Variants in PDE1C observed in about 807,000 individuals in gnomAD.
The protein encoded by PDE1C is phosphodiesterase 1C, also known as dual specificity calcium/calmodulin-dependent 3',5'-cyclic nucleotide phosphodiesterase 1C.
Under a neutral mutation model 93.1 loss-of-function variants are expected in PDE1C, and 62 were observed. The observed-to-expected ratio is 0.67, with a 90% confidence interval of 0.54 to 0.82. The LOEUF (loss-of-function observed/expected upper bound fraction) is 0.82, where lower values mean the gene tolerates loss of function less well. PDE1C is among the 40% of genes least tolerant of loss of function. PDE1C has a pLI of 0.00. For missense variants in PDE1C, 742 were observed against 884.6 expected (o/e 0.84, Z 2.04); for synonymous variants, 325 against 310.1 (o/e 1.05, Z -0.50).
chr7:32,330,069 T>C (rs2128076642), intron 1 of PDE1C, among the ~76,000 whole-genome samples: 1 of 152,332 alleles, frequency 6.6e-6, no homozygotes, highest in East Asian at 1.9e-4. Context: ...TCAGAACACA[T>C]ATCTTTGGCC....
intron 4 of PDE1C, among the ~76,000 whole-genome samples, chr7:31,878,746 C>T (rs960303658): frequency 6.6e-6 from 1 of 152,144 alleles, no homozygotes; most frequent in Non-Finnish European, 1.5e-5. Context: ...AAATTAGAGA[C>T]TGAACTCAAA....
chr7:31,875,725 C>T (rs1464888885), intron 5 of PDE1C, among the ~76,000 whole-genome samples: 1 of 144,336 alleles, frequency 6.9e-6, no homozygotes, highest in Non-Finnish European at 1.5e-5. Context: ...GAAGAGCACA[C>T]AGCTACATTT....
At chr7:32,207,184 C>T (rs1315527288) in intron 2 of PDE1C, among the ~76,000 whole-genome samples, 1 of 152,102 alleles carries the variant, frequency 6.6e-6, no homozygotes, top group African/African-American at 2.4e-5. Context: ...AGTCCCCACT[C>T]CCAGATCTCT....
chr7:32,284,010 A>G (rs570733685), intron 1 of PDE1C, among the ~76,000 whole-genome samples: 84 of 152,294 alleles, frequency 5.5e-4, no homozygotes, highest in African/African-American at 1.9e-3. Flanking sequence ...TCCCGAGGAC[A>G]TTTATTAACA....
intron 1 of PDE1C, among the ~76,000 whole-genome samples, chr7:32,362,092 TC>T (rs1784147430): frequency 6.6e-6 from 1 of 151,718 alleles, no homozygotes. Context: ...AGGAGGGCGC[TC>T]CCCCAGGGCG....
intron 16 of PDE1C, chr7:31,786,226 T>A (rs1199612154): frequency 6.6e-6 from 1 of 152,098 alleles, no homozygotes; most frequent in African/African-American, 2.4e-5. Flanking sequence ...TTTATATAGA[T>A]TGGTGTCATC....
chr7:31,796,052 C>T (rs529643566), intron 16 of PDE1C, among the ~76,000 whole-genome samples: 1 of 151,048 alleles, frequency 6.6e-6, no homozygotes, highest in East Asian at 2.0e-4. Context: ...TTCTCTCCTC[C>T]ACTTATTGAC....
chr7:32,135,019 G>A (rs1226013981), intron 3 of PDE1C, among the ~76,000 whole-genome samples: 1 of 152,110 alleles, frequency 6.6e-6, no homozygotes, highest in Admixed American at 6.6e-5. Context: ...GACAGCATGG[G>A]AATTGGTAGA....
At chr7:32,383,679 G>A (rs924451039) in intron 1 of PDE1C, among the ~76,000 whole-genome samples, 3 of 152,040 alleles carry the variant, frequency 2.0e-5, no homozygotes, top group East Asian at 1.9e-4. Flanking sequence ...ATGGATGGAT[G>A]GAAGGATGGA....
chr7:31,620,442 C>A, the PDE1C span, among the ~76,000 whole-genome samples: 3 of 151,780 alleles, frequency 2.0e-5, no homozygotes, highest in East Asian at 1.9e-4. Context: ...CAGCAGCATT[C>A]GAGATTCACG....
chr7:32,140,472 T>C (rs1307771386), intron 3 of PDE1C, among the ~76,000 whole-genome samples: 3 of 152,236 alleles, frequency 2.0e-5, no homozygotes, highest in Non-Finnish European at 4.4e-5. Flanking sequence ...TAAAGTGATC[T>C]GCCTAGATGA....
intron 2 of PDE1C, 85 bp downstream of exon 2, chr7:32,051,469 C>T: frequency 7.9e-7 from 1 of 1,259,838 alleles, no homozygotes. Flanking sequence ...CTGTTTATTA[C>T]AGTTCCAGTC....
At chr7:32,411,015 T>C (rs1188013607) in intron 1 of PDE1C, among the ~76,000 whole-genome samples, 1 of 152,220 alleles carries the variant, frequency 6.6e-6, no homozygotes, top group South Asian at 2.1e-4. Context: ...TGGAACAGAA[T>C]AGACAATCCA....
chr7:32,209,712 C>A lies in PDE1C; in HGVS notation c.86-173G>T, dbSNP rs77393818. 3.7e-3 allele frequency among the ~76,000 whole-genome samples: 570 copies of A among 152,300 alleles called. 3 individuals are homozygous for A. Among genetic ancestry groups the A allele is most frequent in the African/African-American group, 0.013 (540 of 41,550 alleles). On this transcript the variant is annotated intron_variant, in intron 1 of 18. Transcript: ENST00000396193. Reference sequence around the variant, plus strand: ...GTGTCTGTATTTCCAAGGCTGCCCTCAACACCTAAATGAAGTCAAATGTCT... The same window carrying A: ...GTGTCTGTATTTCCAAGGCTGCCCTAAACACCTAAATGAAGTCAAATGTCT...
At chr7:31,925,129 A>T (rs1215621406) in intron 2 of PDE1C, among the ~76,000 whole-genome samples, 1 of 151,768 alleles carries the variant, frequency 6.6e-6, no homozygotes, top group Admixed American at 6.6e-5. Flanking sequence ...GATGAGAGAG[A>T]CAGATTCATC....
At chr7:31,674,096 T>A in the PDE1C span, among the ~76,000 whole-genome samples, 1 of 152,218 alleles carries the variant, frequency 6.6e-6, no homozygotes, top group African/African-American at 2.4e-5. Context: ...CTGTGCAACT[T>A]AAACTATCAA....
chr7:31,665,114 T>A, the PDE1C span, among the ~76,000 whole-genome samples: 8 of 152,186 alleles, frequency 5.3e-5, no homozygotes, highest in Non-Finnish European at 1.2e-4. Flanking sequence ...CATGACTTCA[T>A]GGGTCTTCTT....
At chr7:32,122,083 C>G (rs1297140592) in intron 3 of PDE1C, among the ~76,000 whole-genome samples, 1 of 152,016 alleles carries the variant, frequency 6.6e-6, no homozygotes, top group Non-Finnish European at 1.5e-5. Flanking sequence ...TAGTCTCTGA[C>G]CAAACAGACT....
chr7:31,868,798 A>C (rs1195075151), intron 6 of PDE1C, among the ~76,000 whole-genome samples: 1 of 152,232 alleles, frequency 6.6e-6, no homozygotes, highest in African/African-American at 2.4e-5. Flanking sequence ...AGAGAAAAAC[A>C]TGTAGTCACT....
Sources: allele counts gnomAD v4.1 joint callset (sites outside exome capture counted in the v4.1 genomes callset), GRCh38; gene constraint gnomAD v4.1.1; transcripts MANE v1.5; gene names NCBI Gene and HGNC (gene_info 2026-07-23, HGNC 2026-07-21).